The following NAA16 variants were observed in gnomAD, a reference collection of about 807,000 sequenced individuals.
NAA16 encodes N-alpha-acetyltransferase 16, NatA auxiliary subunit.
NAA16 carries 97 observed loss-of-function variants against 110.3 expected under a neutral mutation model. The observed-to-expected ratio is 0.88, with a 90% CI of 0.75 to 1.04. The LOEUF is 1.04. Ranked by LOEUF, NAA16 falls within the 50% of genes least tolerant of loss-of-function variation. NAA16 has a pLI of 0.00. For synonymous variants in NAA16, 372 were observed against 330.6 expected, an observed-to-expected ratio of 1.13 and a Z score of -1.36; for missense variants, 1,017 against 1,005.1, an observed-to-expected ratio of 1.01 and a Z score of -0.16.
chr13:41,357,763 G>A (rs765930217), intron 10 of NAA16, among the ~76,000 whole-genome samples: 11 of 152,132 alleles, frequency 7.2e-5, no homozygotes, highest in Non-Finnish European at 1.3e-4. Context: ...AAGAGGACTG[G>A]GCTGTGTTTT....
At chr13:41,323,853 GTCACT>G (rs1479485261) in intron 5 of NAA16, among the ~76,000 whole-genome samples, 1 of 152,120 alleles carries the variant, frequency 6.6e-6, no homozygotes, top group Non-Finnish European at 1.5e-5. Flanking sequence ...TGTGGATTGA[GTCACT>G]TCACTTAGAG....
intron 6 of NAA16, among the ~76,000 whole-genome samples, chr13:41,327,030 CT>C (rs992703408): frequency 6.6e-6 from 1 of 152,076 alleles, no homozygotes; most frequent in Non-Finnish European, 1.5e-5. Flanking sequence ...GGTATGTAGC[CT>C]TTTCAGATTG....
At chr13:41,318,253 TGGAGTA>T in intron 2 of NAA16, among the ~76,000 whole-genome samples, 1 of 152,128 alleles carries the variant, frequency 6.6e-6, no homozygotes, top group African/African-American at 2.4e-5. Flanking sequence ...TTGCCCAGGC[TGGAGTA>T]CAGTGGCACA....
chr13:41,312,627 A>G (rs2041658644), intron 1 of NAA16, among the ~76,000 whole-genome samples: 1 of 152,260 alleles, frequency 6.6e-6, no homozygotes, highest in Non-Finnish European at 1.5e-5. Context: ...TGGGTTGGCT[A>G]TATGGCTGTT....
chr13:41,358,264 A>G lies in NAA16; in HGVS notation c.1088-40A>G, dbSNP rs755570231. 4.6e-6 allele frequency: 7 copies of G among 1,526,388 alleles called. No individual in the cohort carries two copies. The East Asian group carries it at 1.4e-4, about 30-fold the overall frequency. 94.6% of individuals were successfully genotyped at this position (1,526,388 alleles called of 1,614,324 possible). A position where few individuals can be genotyped will look rare whatever the true frequency, so the allele number is the denominator to read the frequency against. ...AGAGAGAAAATATGTGATTTGCTTT[A>G]CATTCTTTCTATAATAATTTAATAT... On this transcript the variant is annotated intron_variant, in intron 10 of 19. Transcript: ENST00000379406.
intron 3 of NAA16, 70 bp downstream of exon 3, chr13:41,318,980 C>T (rs2041878243): frequency 5.8e-6 from 5 of 866,764 alleles, no homozygotes; most frequent in Non-Finnish European, 8.6e-6. Flanking sequence ...TAAATTTGTA[C>T]TATGAAAATT....
At chr13:41,369,008 C>A in intron 14 of NAA16, 82 bp from the exon 15 acceptor site, 1 of 1,219,502 alleles carries the variant, frequency 8.2e-7, no homozygotes, top group Non-Finnish European at 1.1e-6. Context: ...AAGGGACAAC[C>A]ATACTAACAG....
Position 41,318,833 on chromosome 13 carries a change from T to G in NAA16, c.167T>G (p.Leu56Arg). ...GETLAMKGLT[L>R]NCLGKKEEAY... The stretch of plus-strand genomic sequence containing the variant: ...ACTTTGGCTATGAAAGGATTAACAC[T>G]GAACTGTTTAGGAAAAAAAGAAGAA... The change falls in exon 3 of 20, where the codon CTG (leucine) becomes CGG (arginine). Residue 56 changes from leucine (L) to arginine (R), a missense_variant. Transcript: ENST00000379406. 6.3e-7 allele frequency: 1 copy of G among 1,595,716 alleles called. No individual in the cohort carries two copies. The highest frequency in any genetic ancestry group is 1.1e-5 in the South Asian group (1 of 87,044).
intron 9 of NAA16, among the ~76,000 whole-genome samples, chr13:41,343,836 C>T (rs551127645): frequency 1.3e-4 from 20 of 152,108 alleles, no homozygotes; most frequent in South Asian, 1.2e-3. Flanking sequence ...CCACTGCACC[C>T]GGCCTAGAAA....
chr13:41,373,701 A>T lies in NAA16; in HGVS notation c.2220A>T (p.Ile740=), dbSNP rs755426113. The T allele has an allele frequency of 6.2e-7, 1 of 1,611,692 alleles. No homozygotes were observed. Among genetic ancestry groups the T allele is most frequent in the Admixed American group, 1.7e-5 (1 of 59,616 alleles). ...SKVLSQEMQK[I]FVKKDLESFN... is the part of the protein sequence containing the mutation. ...TTCTATCTCAAGAAATGCAGAAAAT[A>T]TTTGTCAAAAAGGATTTGGAAAGTT... Residue 740 remains isoleucine (I), a synonymous_variant, in exon 18 of 20, where the codon ATA becomes ATT. Coordinates refer to ENST00000379406, the MANE Select transcript of NAA16 (RefSeq NM_024561.5).
chr13:41,319,099 C>G (rs2041881652), intron 3 of NAA16, among the ~76,000 whole-genome samples, 189 bp downstream of exon 3: 1 of 152,240 alleles, frequency 6.6e-6, no homozygotes, highest in East Asian at 1.9e-4. Flanking sequence ...TGTGCCCCTC[C>G]TCCTATATTA....
chr13:41,373,459 T>C (rs2043363062), intron 17 of NAA16, 178 bp from the exon 18 acceptor site: 1 of 420,386 alleles, frequency 2.4e-6, no homozygotes, highest in African/African-American at 2.2e-5. Flanking sequence ...GGTTTCACCA[T>C]GTTGGCCAGG....
At chr13:41,328,909 T>A in intron 7 of NAA16, 66 bp downstream of exon 7, 2 of 1,350,478 alleles carry the variant, frequency 1.5e-6, no homozygotes, top group Non-Finnish European at 2.1e-6. Flanking sequence ...TGTAAAGTTG[T>A]AATAATACTT....
chr13:41,335,060 T>A (rs1053685359), intron 8 of NAA16, among the ~76,000 whole-genome samples: 1 of 152,224 alleles, frequency 6.6e-6, no homozygotes, highest in African/African-American at 2.4e-5. Context: ...CTGCACAATC[T>A]AATCAAATTT....
intron 8 of NAA16, among the ~76,000 whole-genome samples, chr13:41,335,882 G>A (rs1411333612): frequency 6.7e-6 from 1 of 150,078 alleles, no homozygotes; most frequent in African/African-American, 2.5e-5. Flanking sequence ...TCCCCCAAAT[G>A]ATTAGGTAAA....
At chr13:41,350,651 A>C (rs1267745830) in intron 9 of NAA16, among the ~76,000 whole-genome samples, 34 of 109,638 alleles carry the variant, frequency 3.1e-4, no homozygotes, top group Admixed American at 4.5e-4. Context: ...TAAGAGTTTC[A>C]CTCCCGTTGC....
intron 11 of NAA16, 163 bp from the exon 12 acceptor site, chr13:41,358,647 A>G: frequency 2.1e-6 from 3 of 1,436,302 alleles, no homozygotes; most frequent in South Asian, 1.6e-5. Flanking sequence ...TAGATGTGTA[A>G]TCATTTGAGC....
chr13:41,367,713 G>T, intron 14 of NAA16, 61 bp downstream of exon 14: 2 of 1,059,626 alleles, frequency 1.9e-6, no homozygotes, highest in Non-Finnish European at 2.7e-6. Flanking sequence ...TGCCATTAGC[G>T]TAAACAATAC....
At chr13:41,312,005 G>A (rs2041610713) in intron 1 of NAA16, among the ~76,000 whole-genome samples, 1 of 152,184 alleles carries the variant, frequency 6.6e-6, no homozygotes, top group African/African-American at 2.4e-5. Context: ...TCTCTGCTTT[G>A]CGTTTAGTTA....
Sources: gnomAD v4.1 joint callset for allele counts (sites outside exome capture counted in the v4.1 genomes callset) on GRCh38, gnomAD v4.1.1 for gene constraint, MANE v1.5 for transcripts, NCBI Gene and HGNC (gene_info 2026-07-23, HGNC 2026-07-21) for gene names.